The following GRID2 variants were observed in gnomAD, a reference collection of about 807,000 sequenced individuals.
GRID2 encodes glutamate receptor ionotropic, delta-2.
A neutral mutation model predicts 114.8 loss-of-function variants in GRID2; 33 were observed. The ratio of observed to expected loss-of-function variants is 0.29; its 90% CI spans 0.22 to 0.38. The LOEUF is 0.38. Among genes scored for constraint, GRID2 ranks in the 10% least tolerant of loss-of-function variants. The pLI is 1.00. For synonymous variants in GRID2, 505 were observed against 449.9 expected, an observed-to-expected ratio of 1.12 and a Z score of -1.55; for missense variants, 1,184 against 1,257.7, an observed-to-expected ratio of 0.94 and a Z score of 0.89.
At chr4:93,181,972 A>C (rs1202179648) in intron 4 of GRID2, among the ~76,000 whole-genome samples, 1 of 152,184 alleles carries the variant, frequency 6.6e-6, no homozygotes, top group Non-Finnish European at 1.5e-5. Context: ...GATTATCAAG[A>C]AGTAGGCTTA....
intron 2 of GRID2, among the ~76,000 whole-genome samples, chr4:92,724,632 G>A (rs142016581): frequency 6.6e-6 from 1 of 152,228 alleles, no homozygotes; most frequent in Admixed American, 6.5e-5. Flanking sequence ...AAGCACAAAT[G>A]TGGTGTCTAC....
chr4:92,898,107 T>C (rs1330548440), intron 2 of GRID2, among the ~76,000 whole-genome samples: 1 of 152,190 alleles, frequency 6.6e-6, no homozygotes, highest in Non-Finnish European at 1.5e-5. Context: ...TTTTCATATA[T>C]TCTAGTTATT....
At chr4:93,476,036 A>C (rs1725291463) in intron 11 of GRID2, among the ~76,000 whole-genome samples, 1 of 152,104 alleles carries the variant, frequency 6.6e-6, no homozygotes, top group Non-Finnish European at 1.5e-5. Context: ...TAAAATCAGT[A>C]GGTTAAAAAA....
At chr4:93,627,781 A>G (rs2149692427) in intron 14 of GRID2, among the ~76,000 whole-genome samples, 1 of 152,352 alleles carries the variant, frequency 6.6e-6, no homozygotes. Flanking sequence ...CATATGTTCC[A>G]TCTGCCCACA....
chr4:93,694,900 G>A (rs1034078565), intron 14 of GRID2, among the ~76,000 whole-genome samples: 5 of 149,410 alleles, frequency 3.3e-5, no homozygotes, highest in South Asian at 2.1e-4. Context: ...TGGCCGGGGC[G>A]GTGGCTCACG....
At chr4:93,783,402 C>A (rs972449105) in intron 1 of GRID2, among the ~76,000 whole-genome samples, 3 of 152,204 alleles carry the variant, frequency 2.0e-5, no homozygotes, top group African/African-American at 7.2e-5. Flanking sequence ...CCTCAATGGG[C>A]TATTTCAGAA....
intron 2 of GRID2, among the ~76,000 whole-genome samples, chr4:92,656,617 A>G (rs1049760522): frequency 6.6e-6 from 1 of 151,816 alleles, no homozygotes; most frequent in Admixed American, 6.6e-5. Context: ...CAATCTAATC[A>G]TAGAAAGTAG....
chr4:93,587,511 TA>T (rs1737663075), intron 13 of GRID2, among the ~76,000 whole-genome samples: 1 of 152,132 alleles, frequency 6.6e-6, no homozygotes, highest in African/African-American at 2.4e-5. Context: ...GGGGAGTTAT[TA>T]AATTTTAGTT....
At chr4:92,912,987 C>T (rs1413597877) in intron 2 of GRID2, among the ~76,000 whole-genome samples, 2 of 151,584 alleles carry the variant, frequency 1.3e-5, no homozygotes, top group Non-Finnish European at 3.0e-5. Context: ...TGTTTTACTT[C>T]CTTATATACA....
chr4:92,460,320 T>C (rs1442284233), intron 1 of GRID2, among the ~76,000 whole-genome samples: 3 of 151,968 alleles, frequency 2.0e-5, no homozygotes, highest in Admixed American at 2.0e-4. Flanking sequence ...GCTAGTTAAA[T>C]ACTCATTAGT....
At chr4:92,629,876 C>A (rs1324560613) in intron 2 of GRID2, among the ~76,000 whole-genome samples, 1 of 144,328 alleles carries the variant, frequency 6.9e-6, no homozygotes, top group Non-Finnish European at 1.5e-5. Context: ...ATAATAAAAT[C>A]AGTAATTATA....
At chr4:92,811,248 T>G (rs890656534) in intron 2 of GRID2, among the ~76,000 whole-genome samples, 1 of 152,206 alleles carries the variant, frequency 6.6e-6, no homozygotes, top group Admixed American at 6.6e-5. Context: ...ACTATAATTT[T>G]TCTTTTAAAT....
At chr4:93,250,678 A>G (rs932046456) in intron 8 of GRID2, among the ~76,000 whole-genome samples, 8 of 146,964 alleles carry the variant, frequency 5.4e-5, no homozygotes, top group Non-Finnish European at 1.0e-4. Flanking sequence ...TATATTTTAT[A>G]TATTATATAT....
rs144395277 is a variant in GRID2 at position 92,951,347 on chromosome 4, T to G, written c.245-133648T>G. Reference sequence around the variant, plus strand: ...TTCGCAAAATTTTTTATTTATTTATTTATTTATTTATTTATTTATTTTGAG... The same window carrying G: ...TTCGCAAAATTTTTTATTTATTTATGTATTTATTTATTTATTTATTTTGAG... On this transcript the variant is annotated intron_variant, in intron 2 of 15. Coordinates refer to ENST00000282020, the MANE Select transcript of GRID2 (RefSeq NM_001510.4). 8.2e-3 allele frequency among the ~76,000 whole-genome samples: 1,236 copies of G among 151,648 alleles called. 17 individuals carry two copies. The highest frequency in any genetic ancestry group is 0.029 in the African/African-American group (1,182 of 41,404).
intron 2 of GRID2, among the ~76,000 whole-genome samples, chr4:92,999,821 T>C (rs558000933): frequency 1.3e-5 from 2 of 151,692 alleles, no homozygotes; most frequent in African/African-American, 4.8e-5. Context: ...GTCGAATTGC[T>C]CTCCAAAAAG....
intron 3 of GRID2, among the ~76,000 whole-genome samples, chr4:93,102,958 C>G (rs923637792): frequency 6.6e-6 from 1 of 151,596 alleles, no homozygotes; most frequent in African/African-American, 2.4e-5. Context: ...ATCAAAGCAC[C>G]CTGAAAACCA....
intron 1 of GRID2, among the ~76,000 whole-genome samples, chr4:92,546,956 T>A (rs1258816776): frequency 6.6e-6 from 1 of 152,204 alleles, no homozygotes; most frequent in Non-Finnish European, 1.5e-5. Context: ...TCAGGATTGT[T>A]CCTGGGTCTT....
intron 2 of GRID2, among the ~76,000 whole-genome samples, chr4:93,003,911 A>G (rs1469839353): frequency 1.3e-5 from 2 of 151,998 alleles, no homozygotes; most frequent in African/African-American, 4.8e-5. Context: ...TCTGAAAACT[A>G]AAAGTGTGTT....
At chr4:93,055,091 A>G (rs1342498880) in intron 2 of GRID2, among the ~76,000 whole-genome samples, 2 of 151,938 alleles carry the variant, frequency 1.3e-5, no homozygotes, top group Non-Finnish European at 2.9e-5. Flanking sequence ...TTGATATGTT[A>G]ATGAGTTTTA....
Sources: allele counts gnomAD v4.1 joint callset (sites outside exome capture counted in the v4.1 genomes callset), GRCh38; gene constraint gnomAD v4.1.1; transcripts MANE v1.5; gene names NCBI Gene and HGNC (gene_info 2026-07-23, HGNC 2026-07-21).